UCHL3: variants seen among roughly 807,000 people sequenced by gnomAD.
UCHL3 encodes ubiquitin C-terminal hydrolase L3, also known as ubiquitin carboxyl-terminal hydrolase isozyme L3.
A neutral mutation model predicts 35.8 loss-of-function variants in UCHL3; 22 were observed. That is an observed-to-expected ratio of 0.61 (90% CI 0.44 to 0.88). UCHL3 has a LOEUF of 0.88. Among genes scored for constraint, UCHL3 ranks in the 40% least tolerant of loss-of-function variants. The probability of loss-of-function intolerance (pLI) is 0.00; values close to 1 mark genes in which losing one functional copy is unlikely to be tolerated. For synonymous variants in UCHL3, 90 were observed against 92.8 expected (o/e 0.97, Z 0.17); for missense variants, 229 against 276.9 (o/e 0.83, Z 1.23).
At chr13:75,601,471 C>T (rs965008431) in intron 7 of UCHL3, among the ~76,000 whole-genome samples, 1 of 152,192 alleles carries the variant, frequency 6.6e-6, no homozygotes, top group African/African-American at 2.4e-5. Context: ...CAGGAGATAT[C>T]AACATCAAAG....
intron 6 of UCHL3, among the ~76,000 whole-genome samples, chr13:75,593,053 A>G (rs895809035): frequency 6.6e-6 from 1 of 152,150 alleles, no homozygotes; most frequent in Non-Finnish European, 1.5e-5. Flanking sequence ...GGCACAATAT[A>G]AAAAATAGAA....
At chr13:75,567,768 G>A (rs1199352234) in intron 5 of UCHL3, among the ~76,000 whole-genome samples, 1 of 151,958 alleles carries the variant, frequency 6.6e-6, no homozygotes, top group Non-Finnish European at 1.5e-5. Flanking sequence ...GGCTGGTCTC[G>A]AACTCCTGGC....
At chr13:75,564,155 C>T (rs1266973980) in intron 3 of UCHL3, among the ~76,000 whole-genome samples, 2 of 146,526 alleles carry the variant, frequency 1.4e-5, no homozygotes, top group Admixed American at 1.4e-4. Context: ...GTGCAGATAT[C>T]TTTTTTTTTT....
intron 6 of UCHL3, among the ~76,000 whole-genome samples, chr13:75,594,264 A>G (rs1051148674): frequency 9.2e-5 from 14 of 152,238 alleles, no homozygotes; most frequent in African/African-American, 3.1e-4. Context: ...GAGAAAAATC[A>G]CAGGCTACTG....
intron 7 of UCHL3, among the ~76,000 whole-genome samples, chr13:75,604,109 T>C (rs1260199207): frequency 6.6e-6 from 1 of 152,142 alleles, no homozygotes; most frequent in Non-Finnish European, 1.5e-5. Flanking sequence ...TTGAACTTAA[T>C]GAAGAGCCAC....
intron 6 of UCHL3, among the ~76,000 whole-genome samples, chr13:75,574,802 A>G (rs1048041681): frequency 2.0e-5 from 3 of 152,148 alleles, no homozygotes; most frequent in Non-Finnish European, 4.4e-5. Context: ...ACCACCAAAG[A>G]TGGTACATTT....
intron 6 of UCHL3, among the ~76,000 whole-genome samples, chr13:75,587,594 A>T (rs2032361176): frequency 6.6e-6 from 1 of 152,230 alleles, no homozygotes; most frequent in African/African-American, 2.4e-5. Context: ...GAAAAAGGAA[A>T]AGAGTATAAG....
chr13:75,605,171 A>G (rs2032901187), intron 8 of UCHL3, among the ~76,000 whole-genome samples: 1 of 152,226 alleles, frequency 6.6e-6, no homozygotes, highest in South Asian at 2.1e-4. Flanking sequence ...CTTAGAATCA[A>G]TGAAACGTGA....
intron 6 of UCHL3, among the ~76,000 whole-genome samples, chr13:75,570,633 A>C (rs1050083701): frequency 6.6e-6 from 1 of 152,254 alleles, no homozygotes; most frequent in African/African-American, 2.4e-5. Context: ...TTGGCTGAGC[A>C]TGCTGACTCA....
chr13:75,549,876 G>A lies in UCHL3; in HGVS notation c.42+14G>A, dbSNP rs1377859484. The A allele has an allele frequency of 1.9e-6, 3 of 1,611,266 alleles. No homozygotes were observed. The highest frequency in any genetic ancestry group is 1.1e-5 in the South Asian group (1 of 90,966). On this transcript the variant is annotated intron_variant, in intron 1 of 8. Transcript: ENST00000377595. ...GCCAATCCCGAGGTGGGCGCGCTTC[G>A]GGGCAGCCCTGGGCCGTGGGCAGGT...
intron 6 of UCHL3, among the ~76,000 whole-genome samples, chr13:75,592,447 T>TAC (rs1450594855): frequency 1.6e-3 from 168 of 107,756 alleles, no homozygotes; most frequent in East Asian, 3.9e-3. Context: ...TATATATATA[T>TAC]ATATATATAT....
chr13:75,590,391 C>CA (rs2032450312), intron 6 of UCHL3, among the ~76,000 whole-genome samples: 1 of 152,156 alleles, frequency 6.6e-6, no homozygotes, highest in Non-Finnish European at 1.5e-5. Context: ...GATCCACATT[C>CA]ATGATAATGT....
intron 5 of UCHL3, among the ~76,000 whole-genome samples, chr13:75,567,767 C>T (rs567797534): frequency 2.6e-5 from 4 of 151,994 alleles, no homozygotes; most frequent in Admixed American, 6.6e-5. Flanking sequence ...AGGCTGGTCT[C>T]GAACTCCTGG....
At chr13:75,563,041 G>A (rs1275306634) in intron 3 of UCHL3, among the ~76,000 whole-genome samples, 7 of 152,100 alleles carry the variant, frequency 4.6e-5, no homozygotes, top group South Asian at 2.1e-4. Context: ...TGTCTTTGAA[G>A]TTCCAATTTA....
chr13:75,582,273 A>G (rs1235818697), intron 6 of UCHL3, among the ~76,000 whole-genome samples: 1 of 152,234 alleles, frequency 6.6e-6, no homozygotes, highest in African/African-American at 2.4e-5. Flanking sequence ...CTTATTAAAT[A>G]TCTTGGCATT....
intron 6 of UCHL3, chr13:75,589,841 C>A: frequency 2.1e-6 from 2 of 942,628 alleles, no homozygotes; most frequent in Non-Finnish European, 1.4e-6. Flanking sequence ...AATAGTAGAC[C>A]ATATGAATTA....
intron 6 of UCHL3, among the ~76,000 whole-genome samples, chr13:75,577,378 T>C (rs1416562013): frequency 6.6e-6 from 1 of 152,146 alleles, no homozygotes. Flanking sequence ...TTACATTGTA[T>C]TAGGTATTAC....
chr13:75,564,624 G>A (rs539739536), intron 3 of UCHL3, among the ~76,000 whole-genome samples: 10 of 152,094 alleles, frequency 6.6e-5, no homozygotes, highest in Non-Finnish European at 1.5e-4. Context: ...GTGCACTTGG[G>A]TTCCCTTTTC....
chr13:75,599,134 ATT>A (rs35853503), intron 7 of UCHL3, among the ~76,000 whole-genome samples: 109 of 127,890 alleles, frequency 8.5e-4, no homozygotes, highest in African/African-American at 1.4e-3. Context: ...ATGCCTGGCT[ATT>A]TTTTTTTTTT....
Sources: allele counts gnomAD v4.1 joint callset (sites outside exome capture counted in the v4.1 genomes callset), GRCh38; gene constraint gnomAD v4.1.1; transcripts MANE v1.5; gene names NCBI Gene and HGNC (gene_info 2026-07-23, HGNC 2026-07-21).